USP37: variants seen among roughly 807,000 people sequenced by gnomAD.
USP37 encodes the protein ubiquitin carboxyl-terminal hydrolase 37.
In USP37, 27 loss-of-function variants were observed where a neutral mutation model predicts 124.0. The ratio of observed to expected loss-of-function variants is 0.22; its 90% CI spans 0.16 to 0.30. The LOEUF is 0.30. USP37 is among the 10% of genes least tolerant of loss of function. USP37 has a pLI of 1.00. For synonymous variants in USP37, 365 were observed against 388.0 expected (o/e 0.94, Z 0.70); for missense variants, 889 against 1,140.4 (o/e 0.78, Z 3.17).
At chr2:218,485,818 T>C in intron 15 of USP37, 75 bp from the exon 16 acceptor site, 1 of 1,472,250 alleles carries the variant, frequency 6.8e-7, no homozygotes, top group Non-Finnish European at 9.3e-7. Flanking sequence ...TTTGCTCTAG[T>C]CTTATTAGTT....
chr2:218,560,011 A>G (rs1172717748), intron 3 of USP37, among the ~76,000 whole-genome samples: 1 of 152,140 alleles, frequency 6.6e-6, no homozygotes, highest in East Asian at 1.9e-4. Context: ...AAAAAACACA[A>G]AAAACTTAAA....
intron 11 of USP37, among the ~76,000 whole-genome samples, chr2:218,504,244 T>A (rs1689553749): frequency 6.6e-6 from 1 of 152,206 alleles, no homozygotes; most frequent in Non-Finnish European, 1.5e-5. Context: ...GCCTCTGATT[T>A]CTTATTGTTT....
At chr2:218,553,899 A>T (rs1692801350) in intron 4 of USP37, among the ~76,000 whole-genome samples, 175 bp from the exon 5 acceptor site, 1 of 152,228 alleles carries the variant, frequency 6.6e-6, no homozygotes, top group Admixed American at 6.5e-5. Context: ...TTTAAATTAA[A>T]GATTTACCTT....
chr2:218,477,185 T>C (rs114046050), intron 18 of USP37, among the ~76,000 whole-genome samples: 2,100 of 152,368 alleles, frequency 0.014, 55 homozygotes, highest in African/African-American at 0.048. Flanking sequence ...ACTCTTATGC[T>C]ACTACGTATC....
At chr2:218,553,762 A>G in intron 4 of USP37, 38 bp from the exon 5 acceptor site, 3 of 1,568,604 alleles carry the variant, frequency 1.9e-6, no homozygotes, top group South Asian at 1.2e-5. Context: ...TCAAAAATGT[A>G]TGACAACTAA....
intron 8 of USP37, among the ~76,000 whole-genome samples, chr2:218,542,233 T>C (rs1692018489): frequency 6.6e-6 from 1 of 152,182 alleles, no homozygotes. Context: ...AGTATATTCA[T>C]CTAGGTCAGC....
intron 8 of USP37, among the ~76,000 whole-genome samples, chr2:218,541,795 C>G (rs1691987268): frequency 6.6e-6 from 1 of 152,066 alleles, no homozygotes; most frequent in South Asian, 2.1e-4. Flanking sequence ...ACGGTACAAG[C>G]TAGGGGAAGG....
intron 5 of USP37, among the ~76,000 whole-genome samples, chr2:218,552,589 AAAAAAG>A (rs1006477091): frequency 8.5e-5 from 13 of 152,122 alleles, no homozygotes; most frequent in African/African-American, 2.7e-4. Context: ...ACTGTCTCAA[AAAAAAG>A]AAAAAGAAAA....
At chr2:218,480,768 T>C (rs1452793890) in intron 17 of USP37, among the ~76,000 whole-genome samples, 1 of 152,234 alleles carries the variant, frequency 6.6e-6, no homozygotes. Context: ...CCTGTGATCA[T>C]ACACTATTAG....
At position 218,454,769 on chromosome 2, in the gene USP37, A is replaced by G; in HGVS notation, c.*161T>C. 1 of 1,396,140 alleles carries G rather than the reference A, an allele frequency of 7.2e-7. No individual in the cohort carries two copies. 86.5% of individuals were successfully genotyped at this position (1,396,140 alleles called of 1,614,324 possible). Reference sequence around the variant, plus strand: ...CCAAAGTTTCCATAAAATAGCATGGAGCATTCTACGTTACTCCAATTTTTG... The same window carrying G: ...CCAAAGTTTCCATAAAATAGCATGGGGCATTCTACGTTACTCCAATTTTTG... On this transcript the variant is annotated 3_prime_UTR_variant, in exon 26 of 26. Transcript: ENST00000258399.
intron 10 of USP37, among the ~76,000 whole-genome samples, chr2:218,527,526 T>G (rs1399511112): frequency 2.6e-5 from 4 of 152,224 alleles, no homozygotes; most frequent in African/African-American, 9.6e-5. Flanking sequence ...TGCACACTAT[T>G]AGTTTTCTCA....
intron 20 of USP37, among the ~76,000 whole-genome samples, chr2:218,469,970 G>A (rs1347433424): frequency 4.6e-5 from 7 of 151,750 alleles, no homozygotes; most frequent in African/African-American, 7.3e-5. Context: ...ACAGGCGACC[G>A]CCACCATGCC....
chr2:218,472,458 ATCTC>A lies in USP37; in HGVS notation c.2299+2168_2299+2171del, dbSNP rs138037400. On this transcript the variant is annotated intron_variant, in intron 20 of 25. Transcript: ENST00000258399. The stretch of plus-strand genomic sequence containing the variant: ...TTTACCCCAAAGCACGTCAGCCTGA[ATCTC>A]TCTCTCTTTTTTTTTTTTGAGACAG... Among the ~76,000 whole-genome samples the A allele has an allele frequency of 5.0e-4, 75 of 151,092 alleles. 1 individual carries two copies. Among genetic ancestry groups the A allele is most frequent in the African/African-American group, 1.6e-3 (66 of 41,198 alleles).
In USP37 at chr2:218,498,253, C is replaced by T. The variant is rs1471352435; in HGVS notation, c.1026-96G>A. The T allele has an allele frequency of 1.8e-5, 24 of 1,320,584 alleles. No individual in the cohort carries two copies. The South Asian group carries it at 3.5e-4, about 19-fold the overall frequency. The allele number at this position is 1,320,584 out of a possible 1,614,324, so 81.8% of individuals were successfully genotyped here. On this transcript the variant is annotated intron_variant, in intron 11 of 25. Transcript: ENST00000258399. Reference sequence around the variant, plus strand: ...TCTCCACTTTATGTTTCAGAATCACCTGGAGGGCTTGTTAAACTACATATT... The same window carrying T: ...TCTCCACTTTATGTTTCAGAATCACTTGGAGGGCTTGTTAAACTACATATT...
intron 4 of USP37, among the ~76,000 whole-genome samples, chr2:218,557,145 A>G (rs1693034060): frequency 6.6e-6 from 1 of 152,212 alleles, no homozygotes; most frequent in South Asian, 2.1e-4. Flanking sequence ...CTGGGATTAC[A>G]GGCATGAGCC....
chr2:218,477,228 TTTTAATGATCAACCCCAATGA>T (rs1240022157), intron 18 of USP37, among the ~76,000 whole-genome samples: 3 of 152,248 alleles, frequency 2.0e-5, no homozygotes. Context: ...GCCTTTTTTC[TTTTAATGATCAACCCCAATGA>T]AATTTGCTAT....
chr2:218,457,817 G>T (rs2106404180), intron 23 of USP37, among the ~76,000 whole-genome samples: 1 of 151,960 alleles, frequency 6.6e-6, no homozygotes, highest in Non-Finnish European at 1.5e-5. Context: ...GGAGGCCAAG[G>T]TGGGCAGATC....
intron 19 of USP37, among the ~76,000 whole-genome samples, chr2:218,475,649 G>C (rs1690927643): frequency 6.6e-6 from 1 of 152,168 alleles, no homozygotes; most frequent in Non-Finnish European, 1.5e-5. Flanking sequence ...AGAATCGCCT[G>C]AACCTGGGAG....
chr2:218,526,509 G>A (rs1361190203), intron 10 of USP37, among the ~76,000 whole-genome samples: 1 of 152,056 alleles, frequency 6.6e-6, no homozygotes, highest in Non-Finnish European at 1.5e-5. Context: ...CTTCCACAAT[G>A]GTTGAACTAA....
Sources: gnomAD v4.1 joint callset for allele counts (sites outside exome capture counted in the v4.1 genomes callset) on GRCh38, gnomAD v4.1.1 for gene constraint, MANE v1.5 for transcripts, NCBI Gene and HGNC (gene_info 2026-07-23, HGNC 2026-07-21) for gene names.